The following TAF12 variants were observed in gnomAD, a reference collection of about 807,000 sequenced individuals.
TAF12 encodes the protein TATA-box binding protein associated factor 12.
Under a neutral mutation model 20.8 loss-of-function variants are expected in TAF12, and 3 were observed. That is an observed-to-expected ratio of 0.14 (90% CI 0.07 to 0.37). TAF12 has a LOEUF of 0.37. TAF12 is among the 10% of genes least tolerant of loss of function. TAF12 has a pLI of 1.00. For synonymous variants in TAF12, 69 were observed against 70.2 expected (o/e 0.98, Z 0.09); for missense variants, 131 against 197.9 (o/e 0.66, Z 2.03).
chr1:28,619,753 C>T (rs1667151128), intron 2 of TAF12, among the ~76,000 whole-genome samples: 2 of 149,658 alleles, frequency 1.3e-5, no homozygotes, highest in South Asian at 2.1e-4. Context: ...GAGTTTGAGA[C>T]CAGCCTGACC....
intron 1 of TAF12, among the ~76,000 whole-genome samples, chr1:28,641,563 G>A (rs1445588603): frequency 1.3e-5 from 2 of 152,160 alleles, no homozygotes; most frequent in Non-Finnish European, 1.5e-5. Context: ...GGAGGCCAAG[G>A]TGGGAGGATC....
intron 2 of TAF12, among the ~76,000 whole-genome samples, chr1:28,620,723 A>G (rs988939830): frequency 1.3e-5 from 2 of 152,194 alleles, no homozygotes; most frequent in Non-Finnish European, 2.9e-5. Context: ...TTGAGCCACC[A>G]TGCCCGGCCG....
chr1:28,631,099 A>T (rs1166147236), intron 1 of TAF12, among the ~76,000 whole-genome samples: 1 of 152,044 alleles, frequency 6.6e-6, no homozygotes, highest in East Asian at 1.9e-4. Flanking sequence ...AATATGTATA[A>T]ATCACATATC....
chr1:28,641,420 T>C (rs760535337), intron 1 of TAF12, among the ~76,000 whole-genome samples: 1 of 151,988 alleles, frequency 6.6e-6, no homozygotes, highest in Non-Finnish European at 1.5e-5. Flanking sequence ...GAAGCAGAGA[T>C]TGCAGTGAGC....
At chr1:28,624,077 A>G in intron 1 of TAF12, 2 of 922,260 alleles carry the variant, frequency 2.2e-6, no homozygotes, top group Non-Finnish European at 1.3e-6. Context: ...CCATGGAACC[A>G]TTTTAGTTGA....
At chr1:28,627,768 G>C (rs576333920) in intron 1 of TAF12, among the ~76,000 whole-genome samples, 96 of 151,330 alleles carry the variant, frequency 6.3e-4, no homozygotes, top group African/African-American at 2.2e-3. Context: ...ATTTACTGCT[G>C]TCACTGACCT....
intron 3 of TAF12, among the ~76,000 whole-genome samples, chr1:28,614,674 CAAAA>C (rs1192586079): frequency 4.7e-5 from 4 of 85,634 alleles, no homozygotes; most frequent in Non-Finnish European, 1.0e-4. Flanking sequence ...CAGGGCGAGA[CAAAA>C]AAAAAAAAAA....
At chr1:28,621,130 A>T (rs1301016401) in intron 2 of TAF12, among the ~76,000 whole-genome samples, 2 of 152,200 alleles carry the variant, frequency 1.3e-5, no homozygotes, top group Non-Finnish European at 2.9e-5. Flanking sequence ...CCCTACCTAT[A>T]CAATTTTAAA....
rs1667410151 is a variant in TAF12 at position 28,626,726 on chromosome 1, TG to T, written c.-84-4562del. ...GAGTTCGAGACCGGCCTGGCCACCA[TG>T]GTGAAACCCCAACTCTACTAAAAAT... On this transcript the variant is annotated intron_variant, in intron 1 of 5. Transcript: ENST00000373824. Among the ~76,000 whole-genome samples, 6 of 151,654 alleles carry T rather than the reference TG, an allele frequency of 4.0e-5. 1 individual carries two copies. The highest frequency in any genetic ancestry group is 2.6e-4 in the Admixed American group (4 of 15,190).
upstream of TAF12, chr1:28,643,230 C>G: frequency 2.1e-6 from 1 of 486,968 alleles, no homozygotes; most frequent in Non-Finnish European, 2.7e-6. Flanking sequence ...CTGCAGCTTG[C>G]GCTTTTAACT....
At chr1:28,647,860 C>T (rs928878305), upstream of TAF12, among the ~76,000 whole-genome samples, 11 of 126,432 alleles carry the variant, frequency 8.7e-5, no homozygotes, top group African/African-American at 2.9e-4. Flanking sequence ...GGCGACAGAG[C>T]GAGACTCCGT....
At chr1:28,635,476 T>A (rs1156532127) in intron 1 of TAF12, among the ~76,000 whole-genome samples, 1 of 151,226 alleles carries the variant, frequency 6.6e-6, no homozygotes, top group Non-Finnish European at 1.5e-5. Context: ...CGGCTAATTT[T>A]TTGTATTTTT....
upstream of TAF12, among the ~76,000 whole-genome samples, chr1:28,645,442 G>A (rs1668162247): frequency 6.7e-6 from 1 of 149,316 alleles, no homozygotes; most frequent in African/African-American, 2.5e-5. Flanking sequence ...GAGGTCAGGA[G>A]ATAGAGATCA....
intron 3 of TAF12, among the ~76,000 whole-genome samples, chr1:28,613,965 C>A (rs1184857075): frequency 1.3e-5 from 2 of 152,150 alleles, no homozygotes; most frequent in Non-Finnish European, 1.5e-5. Flanking sequence ...ATAGGCCGGG[C>A]GTGGTGGCTC....
intron 1 of TAF12, among the ~76,000 whole-genome samples, chr1:28,623,538 A>G (rs1667289197): frequency 6.6e-6 from 1 of 152,106 alleles, no homozygotes; most frequent in African/African-American, 2.4e-5. Context: ...GACATTTTTG[A>G]GAACTTTGTA....
At chr1:28,631,873 T>C (rs1343875456) in intron 1 of TAF12, among the ~76,000 whole-genome samples, 1 of 152,184 alleles carries the variant, frequency 6.6e-6, no homozygotes, top group Non-Finnish European at 1.5e-5. Flanking sequence ...GAAACCCTCA[T>C]ACATTGCTGG....
chr1:28,604,157 G>A (rs189582075), intron 5 of TAF12, among the ~76,000 whole-genome samples: 54 of 152,136 alleles, frequency 3.5e-4, no homozygotes, highest in Admixed American at 5.9e-4. Context: ...CACCAGGCTC[G>A]GCCTCCCAAA....
intron 2 of TAF12, among the ~76,000 whole-genome samples, chr1:28,620,222 C>T (rs1667170362): frequency 6.6e-6 from 1 of 151,276 alleles, no homozygotes; most frequent in African/African-American, 2.4e-5. Context: ...CAACCTCTGC[C>T]TCCCGGGTTC....
At chr1:28,608,937 G>A (rs1430547371) in intron 4 of TAF12, among the ~76,000 whole-genome samples, 11 of 151,716 alleles carry the variant, frequency 7.3e-5, no homozygotes, top group South Asian at 4.2e-4. Flanking sequence ...GTGAAATTCC[G>A]TCTCAAAAAT....
Sources: allele counts gnomAD v4.1 joint callset (sites outside exome capture counted in the v4.1 genomes callset), GRCh38; gene constraint gnomAD v4.1.1; transcripts MANE v1.5; gene names NCBI Gene and HGNC (gene_info 2026-07-23, HGNC 2026-07-21).